NBEA: variants seen among roughly 807,000 people sequenced by gnomAD.
NBEA encodes neurobeachin.
NBEA carries 44 observed loss-of-function variants against 343.4 expected under a neutral mutation model. The observed-to-expected ratio is 0.13, with a 90% CI of 0.10 to 0.16. NBEA has a LOEUF of 0.16. NBEA is among the 10% of genes least tolerant of loss of function. NBEA has a pLI of 1.00. For synonymous variants in NBEA, 1,175 were observed against 1,238.7 expected (o/e 0.95, Z 1.08); for missense variants, 2,555 against 3,631.3 (o/e 0.70, Z 7.62).
chr13:35,513,269 T>C (rs558027386), intron 41 of NBEA, among the ~76,000 whole-genome samples: 41 of 149,654 alleles, frequency 2.7e-4, no homozygotes, highest in Middle Eastern at 3.6e-3. Flanking sequence ...CCCGAGTAGC[T>C]GGAATTACAG....
In NBEA at chr13:35,550,459, T is replaced by C; in HGVS notation, c.6586-18T>C. On this transcript the variant is annotated intron_variant, in intron 41 of 58. Transcript: ENST00000379939. ...ATATTTTATTGATTGACACTTCCCTTTAAACTGTTTATTTTAGGTTCTTGC... is the reference window on the plus strand; with the variant it reads ...ATATTTTATTGATTGACACTTCCCTCTAAACTGTTTATTTTAGGTTCTTGC... The C allele has an allele frequency of 6.7e-7, 1 of 1,482,550 alleles. No homozygotes were observed. The highest frequency in any genetic ancestry group is 9.4e-7 in the Non-Finnish European group (1 of 1,064,572). The allele number at this position is 1,482,550 out of a possible 1,614,324, so 91.8% of individuals were successfully genotyped here.
At chr13:35,196,374 A>G (rs1026665927) in intron 31 of NBEA, 72 bp downstream of exon 31, 110 of 1,373,066 alleles carry the variant, frequency 8.0e-5, no homozygotes, top group Middle Eastern at 1.9e-4. Flanking sequence ...ATTTTAAAAT[A>G]TAAGGAAGAT....
chr13:35,655,163 A>G (rs17769531), intron 54 of NBEA, among the ~76,000 whole-genome samples, 153 bp downstream of exon 54: 8,463 of 152,262 alleles, frequency 0.056, 277 homozygotes, highest in South Asian at 0.1. Flanking sequence ...TAAGCAAAGT[A>G]ACTAACTATA....
chr13:35,358,405 A>G (rs1265191188), intron 38 of NBEA, among the ~76,000 whole-genome samples: 1 of 152,034 alleles, frequency 6.6e-6, no homozygotes, highest in Non-Finnish European at 1.5e-5. Flanking sequence ...AGTAGAAGAG[A>G]TTGATATTGA....
At chr13:35,307,808 A>G (rs1441877677) in intron 35 of NBEA, among the ~76,000 whole-genome samples, 4 of 152,136 alleles carry the variant, frequency 2.6e-5, no homozygotes, top group Non-Finnish European at 5.9e-5. Flanking sequence ...CAATAAATAC[A>G]GAATATAGAA....
At chr13:35,201,536 T>A (rs1186045957) in intron 31 of NBEA, among the ~76,000 whole-genome samples, 1 of 152,022 alleles carries the variant, frequency 6.6e-6, no homozygotes, top group Non-Finnish European at 1.5e-5. Context: ...ATATTTAACA[T>A]CCACATCCTA....
chr13:35,449,926 G>A (rs1566150361), intron 39 of NBEA, among the ~76,000 whole-genome samples: 2 of 152,120 alleles, frequency 1.3e-5, no homozygotes, highest in Admixed American at 6.5e-5. Flanking sequence ...CTCTAAATGT[G>A]GTTATGTAGT....
intron 30 of NBEA, among the ~76,000 whole-genome samples, chr13:35,193,633 C>A (rs2072366546): frequency 6.6e-6 from 1 of 151,874 alleles, no homozygotes; most frequent in African/African-American, 2.4e-5. Flanking sequence ...TTACCTGTTT[C>A]CTTCTCTAGT....
intron 39 of NBEA, among the ~76,000 whole-genome samples, chr13:35,447,116 T>C (rs750535890): frequency 1.3e-5 from 2 of 152,142 alleles, no homozygotes; most frequent in Non-Finnish European, 2.9e-5. Flanking sequence ...TATTTATCAA[T>C]AGAAAAGAAC....
At chr13:35,655,814 G>T (rs2084786654) in intron 55 of NBEA, 65 bp downstream of exon 55, 14 of 1,438,406 alleles carry the variant, frequency 9.7e-6, no homozygotes, top group Non-Finnish European at 1.3e-5. Flanking sequence ...TTGCCTTTTT[G>T]ATTTTCCTAA....
intron 1 of NBEA, among the ~76,000 whole-genome samples, chr13:34,982,463 C>A (rs925244777): frequency 2.0e-5 from 3 of 152,050 alleles, no homozygotes; most frequent in Non-Finnish European, 4.4e-5. Context: ...CCATGCCCAG[C>A]TAATTTTTTA....
chr13:35,652,617 G>C (rs1200943235), intron 53 of NBEA, among the ~76,000 whole-genome samples: 13 of 146,986 alleles, frequency 8.8e-5, no homozygotes, highest in Admixed American at 5.4e-4. Context: ...CTCCAGCCTG[G>C]GTGACAGAGC....
At chr13:35,330,230 T>A (rs1430974081) in intron 36 of NBEA, among the ~76,000 whole-genome samples, 5 of 152,086 alleles carry the variant, frequency 3.3e-5, no homozygotes, top group African/African-American at 1.2e-4. Flanking sequence ...GAAGTAAGAA[T>A]CAAATGAGAT....
chr13:34,987,643 G>C (rs182276942), intron 1 of NBEA, among the ~76,000 whole-genome samples: 1 of 151,028 alleles, frequency 6.6e-6, no homozygotes, highest in East Asian at 1.9e-4. Flanking sequence ...ATCAAACGTA[G>C]ATTTGGTCTT....
At chr13:35,604,255 C>T (rs1029595322) in intron 47 of NBEA, among the ~76,000 whole-genome samples, 1 of 152,082 alleles carries the variant, frequency 6.6e-6, no homozygotes, top group African/African-American at 2.4e-5. Flanking sequence ...TTTCTTTCAG[C>T]CTCTTCTCCA....
At chr13:35,448,774 G>A (rs2046164327) in intron 39 of NBEA, among the ~76,000 whole-genome samples, 1 of 146,824 alleles carries the variant, frequency 6.8e-6, no homozygotes, top group Non-Finnish European at 1.5e-5. Flanking sequence ...GGGTGGTGGG[G>A]TGAACTTGAA....
chr13:35,646,238 A>G lies in NBEA; in HGVS notation c.7681-21A>G, dbSNP rs1030867512. Reference sequence around the variant, plus strand: ...TCTTTGATGCATATTGATTATGACAATCACCCTCCTTCCCCTGCAGGCCAT... The same window carrying G: ...TCTTTGATGCATATTGATTATGACAGTCACCCTCCTTCCCCTGCAGGCCAT... On this transcript the variant is annotated intron_variant, in intron 50 of 58. Transcript: ENST00000379939. 6.4e-6 allele frequency: 10 copies of G among 1,571,262 alleles called. 1 individual carries two copies. The highest frequency in any genetic ancestry group is 2.2e-5 in the South Asian group (2 of 89,102).
At chr13:35,462,089 A>G (rs1301398462) in intron 40 of NBEA, among the ~76,000 whole-genome samples, 2 of 152,218 alleles carry the variant, frequency 1.3e-5, no homozygotes, top group East Asian at 1.9e-4. Flanking sequence ...TTGGACCCTT[A>G]TTCTCTGATG....
intron 41 of NBEA, among the ~76,000 whole-genome samples, chr13:35,482,333 G>T (rs966416441): frequency 2.6e-5 from 4 of 151,186 alleles, no homozygotes; most frequent in Non-Finnish European, 5.9e-5. Flanking sequence ...TTACATATAA[G>T]TATAGAGATA....
Sources: gnomAD v4.1 joint callset for allele counts (sites outside exome capture counted in the v4.1 genomes callset) on GRCh38, gnomAD v4.1.1 for gene constraint, MANE v1.5 for transcripts, NCBI Gene and HGNC (gene_info 2026-07-23, HGNC 2026-07-21) for gene names.